The following EVC variants were observed in gnomAD, a reference collection of about 807,000 sequenced individuals.
The protein encoded by EVC is EvC ciliary complex subunit 1, also known as evC complex member EVC.
Under a neutral mutation model 118.9 loss-of-function variants are expected in EVC, and 116 were observed. The observed-to-expected ratio is 0.98, with a 90% confidence interval of 0.84 to 1.14. The LOEUF (loss-of-function observed/expected upper bound fraction) is 1.14, where lower values mean the gene tolerates loss of function less well. EVC is among the 50% of genes most tolerant of loss of function. The probability of loss-of-function intolerance (pLI) is 0.00; values close to 1 mark genes in which losing one functional copy is unlikely to be tolerated. For synonymous variants in EVC, 619 were observed against 534.7 expected (o/e 1.16, Z -2.18); for missense variants, 1,401 against 1,246.4 (o/e 1.12, Z -1.87).
intron 8 of EVC, 107 bp downstream of exon 8, chr4:5,748,413 A>T: frequency 7.9e-7 from 1 of 1,259,710 alleles, no homozygotes; most frequent in Non-Finnish European, 1.1e-6. Flanking sequence ...GTAGCTGGTT[A>T]TATAGAGCCT....
Position 5,749,346 on chromosome 4 carries a change from A to AGG in EVC, c.1098+1040_1098+1041insGG. Among the ~76,000 whole-genome samples, 1 of 151,706 alleles carries AGG rather than the reference A, an allele frequency of 6.6e-6. No homozygotes were observed. The highest frequency in any genetic ancestry group is 2.4e-5 in the African/African-American group (1 of 41,272). Reference sequence around the variant, plus strand: ...CTAACGATAGCTGATGAGCGGAAAAAAAAAAAAAAAAAAAGGTCCCTCCTT... The same window carrying AGG: ...CTAACGATAGCTGATGAGCGGAAAAAGGAAAAAAAAAAAAAAGGTCCCTCCTT... On this transcript the variant is annotated intron_variant, in intron 8 of 20. Coordinates refer to ENST00000264956, the MANE Select transcript of EVC (RefSeq NM_153717.3). The surrounding 1 kb of genome is among the most constrained non-coding windows in gnomAD (Gnocchi z 4.4).
chr4:5,809,593 G>C lies in EVC; in HGVS notation c.2764G>C (p.Ala922Pro), dbSNP rs754946373. 9 of 1,614,036 alleles carry C rather than the reference G, an allele frequency of 5.6e-6. No individual in the cohort carries two copies. In the East Asian group the frequency reaches 2.0e-4, roughly 36 times the overall value. The change falls in exon 19 of 21, where the codon GCT (alanine) becomes CCT (proline). Residue 922 changes from alanine (A) to proline (P), a missense_variant. Coordinates refer to ENST00000264956, the MANE Select transcript of EVC (RefSeq NM_153717.3). Reference sequence around the variant, plus strand: ...CCTTGCTGAAAGCAAACTGTTGCCTGCTAAGCGTGGGCTGCTAGGTGAGTC... The same window carrying C: ...CCTTGCTGAAAGCAAACTGTTGCCTCCTAAGCGTGGGCTGCTAGGTGAGTC... ...VPLAESKLLPAKRGLLEKPLR... is the reference protein window; with the variant it reads ...VPLAESKLLPPKRGLLEKPLR...
chr4:5,797,345 G>C, intron 14 of EVC, 113 bp downstream of exon 14: 2 of 928,292 alleles, frequency 2.2e-6, no homozygotes, highest in Non-Finnish European at 3.4e-6. Context: ...GGTGCTGCAG[G>C]GTGCGGTATT....
downstream of EVC, among the ~76,000 whole-genome samples, chr4:5,818,176 G>C (rs534871227): frequency 6.6e-6 from 1 of 152,094 alleles, no homozygotes; most frequent in South Asian, 2.1e-4. Flanking sequence ...ATTTTCACTT[G>C]GTTCTCATTC....
At position 5,797,017 on chromosome 4, in the gene EVC, C is replaced by G; in HGVS notation, c.1887-5C>G. Reference sequence around the variant, plus strand: ...GACCCCACCCCTCACCTGCTTTCCTCAAAGGTCCACGCGGTGTGTCCTGCA... The same window carrying G: ...GACCCCACCCCTCACCTGCTTTCCTGAAAGGTCCACGCGGTGTGTCCTGCA... On this transcript the variant is annotated splice_region_variant and splice_polypyrimidine_tract_variant and intron_variant, in intron 13 of 20. Transcript: ENST00000264956. 1 of 1,610,802 alleles carries G rather than the reference C, an allele frequency of 6.2e-7. No individual in the cohort carries two copies. Among genetic ancestry groups the G allele is most frequent in the Non-Finnish European group, 8.5e-7 (1 of 1,177,914 alleles).
intron 17 of EVC, among the ~76,000 whole-genome samples, chr4:5,805,228 G>T (rs1393740875): frequency 6.6e-6 from 1 of 152,202 alleles, no homozygotes. Context: ...GGCACAGTGA[G>T]AGGGCAGGGA....
chr4:5,825,947 CAT>C, the EVC span: 26 of 460,150 alleles, frequency 5.7e-5, no homozygotes, highest in Admixed American at 4.1e-4. The surrounding 1 kb of genome is among the most constrained non-coding windows in gnomAD (Gnocchi z 4.4). Context: ...GTCATGCACA[CAT>C]ATATGCATGC....
the EVC span, among the ~76,000 whole-genome samples, chr4:5,823,605 T>C: frequency 3.9e-5 from 6 of 152,156 alleles, no homozygotes; most frequent in Non-Finnish European, 2.9e-5. Context: ...GAGTAAATTC[T>C]TGCTCTATTA....
At chr4:5,810,926 C>A (rs1242874415) in intron 20 of EVC, 27 bp from the exon 21 acceptor site, 2 of 1,600,684 alleles carry the variant, frequency 1.2e-6, no homozygotes, top group Admixed American at 1.7e-5. Flanking sequence ...AGCGTTCTAA[C>A]TGGCTGCCTT....
At chr4:5,793,754 C>A (rs756299968) in intron 13 of EVC, 37 bp downstream of exon 13, 19 of 1,467,336 alleles carry the variant, frequency 1.3e-5, no homozygotes, top group Non-Finnish European at 1.7e-5. Context: ...GGCTTTGTGT[C>A]CTGCATGATG....
intron 11 of EVC, among the ~76,000 whole-genome samples, chr4:5,779,632 GCT>G (rs1735276117): frequency 1.0e-5 from 1 of 95,704 alleles, no homozygotes; most frequent in African/African-American, 5.6e-5. Flanking sequence ...TCATGATTTG[GCT>G]CTCTGTTTGT....
chr4:5,766,130 C>G (rs1458469116), intron 11 of EVC, among the ~76,000 whole-genome samples: 2 of 143,474 alleles, frequency 1.4e-5, no homozygotes, highest in Admixed American at 6.9e-5. Flanking sequence ...ATTTGCTTGT[C>G]TGTAAAGTAT....
chr4:5,767,868 C>T lies in EVC; in HGVS notation c.1563+11506C>T, dbSNP rs147070020. On this transcript the variant is annotated intron_variant, in intron 11 of 20. Transcript: ENST00000264956. ...TGCAGAAATCACCCATCTTCTGCGT[C>T]GCTCACGCTGGGAGCTGTAGACCGG... is the stretch of plus-strand genomic sequence containing the variant. 1.6e-4 allele frequency among the ~76,000 whole-genome samples: 24 copies of T among 152,298 alleles called. No homozygotes were observed. In the East Asian group the frequency reaches 2.5e-3, roughly 16 times the overall value.
At position 5,809,588 on chromosome 4, in the gene EVC, T is replaced by TG; in HGVS notation, c.2760dup (p.Pro921AlafsTer3). ...GTGCCCCTTGCTGAAAGCAAACTGT[T>TG]GCCTGCTAAGCGTGGGCTGCTAGGT... On this transcript the variant is annotated frameshift_variant, in exon 19 of 21. Coordinates refer to ENST00000264956, the MANE Select transcript of EVC (RefSeq NM_153717.3). LOFTEE classifies it high-confidence loss of function. The TG allele has an allele frequency of 1.2e-6, 2 of 1,614,198 alleles. No individual in the cohort carries two copies. The highest frequency in any genetic ancestry group is 1.7e-6 in the Non-Finnish European group (2 of 1,180,042).
In EVC at chr4:5,753,801, CA is replaced by C; in HGVS notation, c.1335del (p.Asp446ThrfsTer54). ...RFSREFVQRGKDLVTASLAHQ... is the reference protein window; with the variant it reads ...RFSREFVQRGXDLVTASLAHQ... ...CAATCCCAGAGTTTGTCCAGCGAGG[CA>C]AAGACCTGGTCACGGCGTCTCTGGC... is the stretch of plus-strand genomic sequence containing the variant. On this transcript the variant is annotated frameshift_variant, in exon 10 of 21. Coordinates refer to ENST00000264956, the MANE Select transcript of EVC (RefSeq NM_153717.3). LOFTEE classifies it high-confidence loss of function. The C allele has an allele frequency of 1.2e-6, 2 of 1,614,162 alleles. No homozygotes were observed. Among genetic ancestry groups the C allele is most frequent in the Non-Finnish European group, 1.7e-6 (2 of 1,180,028 alleles).
chr4:5,768,726 G>A (rs570326412), intron 11 of EVC, among the ~76,000 whole-genome samples: 10 of 151,810 alleles, frequency 6.6e-5, no homozygotes, highest in South Asian at 2.1e-4. Context: ...GTGTGGTGGT[G>A]GGTGCCTGTT....
At chr4:5,799,908 CAT>C (rs745519714) in intron 15 of EVC, among the ~76,000 whole-genome samples, 5 of 152,188 alleles carry the variant, frequency 3.3e-5, no homozygotes, top group Non-Finnish European at 5.9e-5. Context: ...GAACTGTCCA[CAT>C]GTTACCTAAC....
At position 5,811,412 on chromosome 4, in the gene EVC, G is replaced by T. The variant is rs1171227376; in HGVS notation, c.*375G>T. ...AAAGGCCTGTCTGGGCCCATCTGGGGCTGAGGACACACAGATACATAATGA... is the reference window on the plus strand; with the variant it reads ...AAAGGCCTGTCTGGGCCCATCTGGGTCTGAGGACACACAGATACATAATGA... On this transcript the variant is annotated 3_prime_UTR_variant, in exon 21 of 21. Transcript: ENST00000264956. 1 of 316,152 alleles carries T rather than the reference G, an allele frequency of 3.2e-6. No individual in the cohort carries two copies. Among genetic ancestry groups the T allele is most frequent in the Non-Finnish European group, 6.1e-6 (1 of 165,162 alleles). 19.6% of individuals were successfully genotyped at this position (316,152 alleles called of 1,614,324 possible). A position where few individuals can be genotyped will look rare whatever the true frequency, so the allele number is the denominator to read the frequency against.
intron 7 of EVC, among the ~76,000 whole-genome samples, chr4:5,747,375 C>G (rs964196697): frequency 6.6e-6 from 1 of 152,158 alleles, no homozygotes; most frequent in Non-Finnish European, 1.5e-5. Context: ...GTTAAATGGA[C>G]CTGAACCAAA....
Sources: allele counts gnomAD v4.1 joint callset (sites outside exome capture counted in the v4.1 genomes callset), GRCh38; gene constraint gnomAD v4.1.1; non-coding constraint Gnocchi (gnomAD v3.1); transcripts MANE v1.5; gene names NCBI Gene and HGNC (gene_info 2026-07-23, HGNC 2026-07-21).